Variants in COX7B2 observed in about 807,000 individuals in gnomAD.
COX7B2 encodes the protein cytochrome c oxidase subunit 7B2, mitochondrial.
For synonymous variants in COX7B2, 37 were observed against 32.1 expected (o/e 1.15, Z -0.51); for missense variants, 109 against 95.9 (o/e 1.14, Z -0.57).
At chr4:46,756,294 T>C (rs1205847017) in intron 2 of COX7B2, among the ~76,000 whole-genome samples, 1 of 152,024 alleles carries the variant, frequency 6.6e-6, no homozygotes, top group Non-Finnish European at 1.5e-5. Flanking sequence ...TTTCTCACCA[T>C]ACATAAAAAT....
intron 1 of COX7B2, among the ~76,000 whole-genome samples, chr4:46,866,534 G>A (rs1393290452): frequency 1.3e-5 from 2 of 152,120 alleles, no homozygotes; most frequent in Non-Finnish European, 2.9e-5. Flanking sequence ...TTGCTCCTCT[G>A]AGGGTCACTG....
chr4:46,893,828 T>G (rs1719588268), intron 1 of COX7B2, among the ~76,000 whole-genome samples: 2 of 152,044 alleles, frequency 1.3e-5, no homozygotes, highest in Non-Finnish European at 2.9e-5. Context: ...GAGTATATAG[T>G]TTTAAAAAAT....
intron 1 of COX7B2, among the ~76,000 whole-genome samples, chr4:46,904,279 A>T (rs1401248535): frequency 6.6e-6 from 1 of 152,146 alleles, no homozygotes; most frequent in Non-Finnish European, 1.5e-5. Flanking sequence ...ACTAGAGAAA[A>T]AATATTTCAA....
At chr4:46,850,259 T>C (rs1055747192) in intron 1 of COX7B2, among the ~76,000 whole-genome samples, 1 of 151,854 alleles carries the variant, frequency 6.6e-6, no homozygotes, top group African/African-American at 2.4e-5. Flanking sequence ...TTAAATGATT[T>C]AAAATGATTT....
chr4:46,898,356 C>T (rs1719889429), intron 1 of COX7B2, among the ~76,000 whole-genome samples: 1 of 152,088 alleles, frequency 6.6e-6, no homozygotes, highest in South Asian at 2.1e-4. Context: ...TTATCATTTA[C>T]TCTTAAATTA....
intron 1 of COX7B2, among the ~76,000 whole-genome samples, chr4:46,859,656 C>T (rs530660287): frequency 9.2e-5 from 14 of 152,138 alleles, no homozygotes; most frequent in South Asian, 4.2e-4. Context: ...TTTTCTGGTT[C>T]GAATAGGATG....
chr4:46,830,865 G>A (rs114570038), intron 2 of COX7B2, among the ~76,000 whole-genome samples: 3 of 152,362 alleles, frequency 2.0e-5, no homozygotes, highest in African/African-American at 7.2e-5. Context: ...AAAGTGAGAG[G>A]TGACAGCATG....
chr4:46,774,144 T>C (rs1268661812), intron 2 of COX7B2, among the ~76,000 whole-genome samples: 5 of 152,132 alleles, frequency 3.3e-5, no homozygotes, highest in African/African-American at 7.2e-5. Flanking sequence ...ATAACTCAAA[T>C]AGCTGTTATT....
chr4:46,859,034 ACT>A (rs1717185877), intron 1 of COX7B2, among the ~76,000 whole-genome samples: 1 of 152,134 alleles, frequency 6.6e-6, no homozygotes, highest in African/African-American at 2.4e-5. Context: ...TGTAAAAAAT[ACT>A]CTTTCAGAGA....
chr4:46,776,748 A>C lies in COX7B2; in HGVS notation c.-49-41507T>G, dbSNP rs916241961. ...ATAAGATAAACCCTTGGGCTTCTCC[A>C]CATACCCAGGAAGAGATTAGTAAAG... On this transcript the variant is annotated intron_variant, in intron 2 of 2. Coordinates refer to ENST00000355591, the MANE Select transcript of COX7B2 (RefSeq NM_130902.3). 1.2e-3 allele frequency among the ~76,000 whole-genome samples: 187 copies of C among 152,104 alleles called. 4 individuals are homozygous for C. The highest frequency in any genetic ancestry group is 1.6e-3 in the Admixed American group (24 of 15,268).
At chr4:46,841,969 A>G (rs1715956890) in intron 2 of COX7B2, among the ~76,000 whole-genome samples, 1 of 151,990 alleles carries the variant, frequency 6.6e-6, no homozygotes, top group African/African-American at 2.4e-5. Flanking sequence ...AACTTATACT[A>G]TGCTCCCAGG....
intron 2 of COX7B2, among the ~76,000 whole-genome samples, chr4:46,785,583 T>A (rs545990324): frequency 1.3e-5 from 2 of 152,320 alleles, no homozygotes; most frequent in South Asian, 4.1e-4. Context: ...TCAACATACA[T>A]CTTTTAAAAG....
At chr4:46,761,963 A>C (rs61007942) in intron 2 of COX7B2, among the ~76,000 whole-genome samples, 49,228 of 150,570 alleles carry the variant, frequency 0.33, 8,295 homozygotes, top group South Asian at 0.47. Flanking sequence ...CTGCAAATAA[A>C]CATATGAACA....
chr4:46,884,446 T>C (rs2109855129), intron 1 of COX7B2, among the ~76,000 whole-genome samples: 1 of 152,338 alleles, frequency 6.6e-6, no homozygotes, highest in Non-Finnish European at 1.5e-5. Flanking sequence ...ATTATCTCAG[T>C]TTTTGAAGCA....
chr4:46,818,885 A>C (rs1714050812), intron 2 of COX7B2, among the ~76,000 whole-genome samples: 1 of 152,198 alleles, frequency 6.6e-6, no homozygotes, highest in South Asian at 2.1e-4. Flanking sequence ...TGTTGCATGA[A>C]TTACTTATTT....
At chr4:46,840,393 G>T (rs1323174795) in intron 2 of COX7B2, among the ~76,000 whole-genome samples, 1 of 152,006 alleles carries the variant, frequency 6.6e-6, no homozygotes, top group Non-Finnish European at 1.5e-5. Flanking sequence ...GATTCAGCAG[G>T]TAGGAAAGAG....
intron 2 of COX7B2, among the ~76,000 whole-genome samples, chr4:46,798,542 C>T (rs1182314989): frequency 5.9e-5 from 9 of 152,270 alleles, no homozygotes; most frequent in African/African-American, 1.4e-4. Context: ...GTGGGTGAAT[C>T]GCAGTGCAGG....
At chr4:46,824,393 G>C (rs1714527902) in intron 2 of COX7B2, among the ~76,000 whole-genome samples, 1 of 152,074 alleles carries the variant, frequency 6.6e-6, no homozygotes. Flanking sequence ...AGATAGTGAG[G>C]TATACATCGC....
intron 2 of COX7B2, among the ~76,000 whole-genome samples, chr4:46,742,841 A>G (rs1349219535): frequency 1.3e-5 from 2 of 152,184 alleles, no homozygotes; most frequent in Admixed American, 6.5e-5. Flanking sequence ...TCCCAGTCAC[A>G]GTCTAAATGA....
Sources: gnomAD v4.1 joint callset for allele counts (sites outside exome capture counted in the v4.1 genomes callset) on GRCh38, gnomAD v4.1.1 for gene constraint, MANE v1.5 for transcripts, NCBI Gene and HGNC (gene_info 2026-07-23, HGNC 2026-07-21) for gene names.